Variants in REC8 observed in about 807,000 individuals in gnomAD.
REC8 encodes the protein REC8 meiotic recombination protein.
In REC8, 42 loss-of-function variants were observed where a neutral mutation model predicts 78.3. The observed-to-expected ratio is 0.54, with a 90% CI of 0.42 to 0.69. The LOEUF is 0.69. Ranked by LOEUF, REC8 falls within the 30% of genes least tolerant of loss-of-function variation. REC8 has a pLI of 0.00. For missense variants in REC8, 581 were observed against 715.8 expected (o/e 0.81, Z 2.15); for synonymous variants, 268 against 274.1 (o/e 0.98, Z 0.22).
chr14:24,177,755 A>G lies in REC8; in HGVS notation c.861A>G (p.Pro287=). The part of the protein sequence containing the change: ...EELRLPAPPS[P]ERRPPVPPPP... ...TGCGTCTGCCAGCCCCACCCAGCCCAGAGGTGAGTAGCCTCCCTTCTAATC... is the reference window on the plus strand; with the variant it reads ...TGCGTCTGCCAGCCCCACCCAGCCCGGAGGTGAGTAGCCTCCCTTCTAATC... Residue 287 remains proline, a synonymous_variant, in exon 11 of 19, where the codon CCA becomes CCG. Coordinates refer to ENST00000611366, the MANE Select transcript of REC8 (RefSeq NM_001048205.2). 6.2e-7 allele frequency: 1 copy of G among 1,603,296 alleles called. No individual in the cohort carries two copies. Among genetic ancestry groups the G allele is most frequent in the Non-Finnish European group, 8.5e-7 (1 of 1,175,332 alleles).
At chr14:24,173,838 CATTT>C (rs1159985281) in intron 5 of REC8, among the ~76,000 whole-genome samples, 8 of 152,088 alleles carry the variant, frequency 5.3e-5, no homozygotes, top group Admixed American at 5.2e-4. Context: ...CTCCATGCCC[CATTT>C]ATTTCTTTTT....
intron 14 of REC8, 26 bp from the exon 15 acceptor site, chr14:24,179,059 C>T (rs752456163): frequency 6.2e-7 from 1 of 1,608,684 alleles, no homozygotes. Context: ...TGCTTGGGGT[C>T]TTAGTTCTAC....
rs2038983007 is a variant in REC8, at chr14:24,178,127, C to T, written c.901C>T (p.Arg301Cys). ...AGTCCCCCCACCTCCTCGCCGCCGC[C>T]GTCGTCGCCGGTTACTGTTCTGGGA... ...PPVPPPPRRR[R>C]RRRLLFWDKE... Residue 301 changes from arginine (R) to cysteine (C), a missense_variant, in exon 12 of 19, where the codon CGT becomes TGT. Arg to Cys is a radical substitution (Grantham distance 180). Transcript: ENST00000611366. 6 of 1,613,774 alleles carry T rather than the reference C, an allele frequency of 3.7e-6. No individual in the cohort carries two copies. Among genetic ancestry groups the T allele is most frequent in the African/African-American group, 2.7e-5 (2 of 74,904 alleles).
At chr14:24,177,628 G>A in intron 10 of REC8, 81 bp from the exon 11 acceptor site, 1 of 1,577,172 alleles carries the variant, frequency 6.3e-7, no homozygotes, top group Non-Finnish European at 8.6e-7. Context: ...CTTGCTAAAG[G>A]GAGGACCCTG....
downstream of REC8, chr14:24,180,607 C>A (rs974363277): frequency 1.2e-6 from 2 of 1,612,084 alleles, no homozygotes; most frequent in East Asian, 4.5e-5. Flanking sequence ...GTCGGGGCTC[C>A]TAAAGCCTCG....
rs545302158 is a variant in REC8, at chr14:24,174,928, AAG to A, written c.463-613_463-612del. 1.9e-3 allele frequency among the ~76,000 whole-genome samples: 285 copies of A among 151,918 alleles called. 1 individual carries two copies. Among genetic ancestry groups the A allele is most frequent in the East Asian group, 6.6e-3 (34 of 5,172 alleles). ...CCTTGTCTCCCCACTAGACTTCCTT[AAG>A]ATCAAGAATCTTTTCTGTTCACCTC... is the stretch of plus-strand genomic sequence containing the variant. On this transcript the variant is annotated intron_variant, in intron 5 of 18. Transcript: ENST00000611366.
At chr14:24,178,314 G>GT (rs1048123352) in intron 12 of REC8, 92 bp downstream of exon 12, 32 of 1,184,962 alleles carry the variant, frequency 2.7e-5, no homozygotes, top group Admixed American at 2.3e-4. Flanking sequence ...CCTCAGGTGG[G>GT]TGGGGGGAGG....
At chr14:24,180,542 G>T, downstream of REC8, 1 of 1,614,138 alleles carries the variant, frequency 6.2e-7, no homozygotes, top group Non-Finnish European at 8.5e-7. Flanking sequence ...GGCCAGGAAC[G>T]TCAGGAGCAG....
intron 5 of REC8, among the ~76,000 whole-genome samples, chr14:24,175,147 C>T (rs1352060649): frequency 1.3e-5 from 2 of 151,704 alleles, no homozygotes; most frequent in Non-Finnish European, 2.9e-5. Flanking sequence ...GCTGGAATTA[C>T]AGGCACTGCT....
rs899402550 is a variant in REC8, at chr14:24,178,192, A to G, written c.966A>G (p.Gln322=). ...TQISPEKFQE[Q]LQTRAHCWEC... ...TCTCCCCGGAGAAATTCCAGGAACA[A>G]CTGCAAACCAGAGCCCACTGCTGGG... Residue 322 remains glutamine (Q), a synonymous_variant, in exon 12 of 19, where the codon CAA becomes CAG. Transcript: ENST00000611366. The G allele has an allele frequency of 6.2e-7, 1 of 1,614,064 alleles. No individual in the cohort carries two copies.
In REC8 at chr14:24,178,626, G is replaced by A. The variant is rs373641531; in HGVS notation, c.1017G>A (p.Glu339=). 3.6e-5 allele frequency: 58 copies of A among 1,614,076 alleles called. No homozygotes were observed. In the African/African-American group the frequency reaches 7.1e-4, roughly 20 times the overall value. Reference sequence around the variant, plus strand: ...CACAGCCTATGGTGCAGCCGCCCGAGAGGACCATCAGAGGCCCTGCGGAGT... The same window carrying A: ...CACAGCCTATGGTGCAGCCGCCCGAAAGGACCATCAGAGGCCCTGCGGAGT... ...CWECPMVQPP[E]RTIRGPAELF... Residue 339 remains glutamate (E), a synonymous_variant, in exon 13 of 19, where the codon GAG becomes GAA. Coordinates refer to ENST00000611366, the MANE Select transcript of REC8 (RefSeq NM_001048205.2).
chr14:24,179,143 T>C lies in REC8; in HGVS notation c.1252+10T>C, dbSNP rs2039044224. The C allele has an allele frequency of 6.4e-7, 1 of 1,566,006 alleles. No homozygotes were observed. Among genetic ancestry groups the C allele is most frequent in the African/African-American group, 1.4e-5 (1 of 73,492 alleles). The stretch of plus-strand genomic sequence containing the variant: ...CTTATGGTGTCTTTAGGTAAGCACC[T>C]AGAGAAGAGGCGCAGTGGGACCACA... On this transcript the variant is annotated intron_variant, in intron 15 of 18. Coordinates refer to ENST00000611366, the MANE Select transcript of REC8 (RefSeq NM_001048205.2).
chr14:24,172,719 G>A lies in REC8; in HGVS notation c.63G>A (p.Ala21=), dbSNP rs373216429. 1 of 1,614,042 alleles carries A rather than the reference G, an allele frequency of 6.2e-7. No homozygotes were observed. The highest frequency in any genetic ancestry group is 1.3e-5 in the African/African-American group (1 of 74,934). Reference sequence around the variant, plus strand: ...CCTTCCCCACCCACTTCAGGCTGGCGGCGACTCGCGGCAGCCGGTTGGTGA... The same window carrying A: ...CCTTCCCCACCCACTTCAGGCTGGCAGCGACTCGCGGCAGCCGGTTGGTGA... ...HTGCFATIWL[A]ATRGSRLVKR... The change falls in exon 2 of 19, where the codon GCG becomes GCA. Residue 21 remains alanine, a synonymous_variant. Transcript: ENST00000611366.
At chr14:24,179,245 T>A in intron 15 of REC8, 112 bp downstream of exon 15, 1 of 1,212,660 alleles carries the variant, frequency 8.2e-7, no homozygotes, top group Non-Finnish European at 1.2e-6. Context: ...GTGTGTGACA[T>A]AAGGAAGCAC....
rs769299580 is a variant in REC8, at chr14:24,180,050, G to C, written c.1599G>C (p.Lys533Asn). Residue 533 changes from lysine (K) to asparagine (N), a missense_variant, in exon 19 of 19, where the codon AAG becomes AAC. Transcript: ENST00000611366. ...AGATTCTTCACGTGAAACAAGAAAA[G>C]CCATATGGTCGCCTCCTGATCCAGC... Reference protein sequence around the residue: ...AQQILHVKQEKPYGRLLIQPG... With the variant: ...AQQILHVKQENPYGRLLIQPG... The C allele has an allele frequency of 6.2e-7, 1 of 1,614,160 alleles. No homozygotes were observed. The highest frequency in any genetic ancestry group is 8.5e-7 in the Non-Finnish European group (1 of 1,180,036).
chr14:24,174,403 G>A (rs1203310671), intron 5 of REC8, among the ~76,000 whole-genome samples: 4 of 151,864 alleles, frequency 2.6e-5, no homozygotes, highest in South Asian at 2.1e-4. Context: ...TCGGCCTCCC[G>A]AATAGCTGGG....
intron 5 of REC8, chr14:24,175,201 T>A: frequency 5.7e-6 from 1 of 175,866 alleles, no homozygotes; most frequent in South Asian, 1.3e-4. Flanking sequence ...AAATCAGGTT[T>A]CACGATGTTG....
At position 24,178,097 on chromosome 14, in the gene REC8, C is replaced by G; in HGVS notation, c.871C>G (p.Pro291Ala). The change falls in exon 12 of 19, where the codon CCC becomes GCC. Residue 291 changes from proline to alanine, a missense_variant. Coordinates refer to ENST00000611366, the MANE Select transcript of REC8 (RefSeq NM_001048205.2). ...LPAPPSPERRPPVPPPPRRRR... is the reference protein window; with the variant it reads ...LPAPPSPERRAPVPPPPRRRR... Reference sequence around the variant, plus strand: ...TGCCCTCCCCACTCAACAGAGGAGGCCCCCAGTCCCCCCACCTCCTCGCCG... The same window carrying G: ...TGCCCTCCCCACTCAACAGAGGAGGGCCCCAGTCCCCCCACCTCCTCGCCG... 6.2e-7 allele frequency: 1 copy of G among 1,612,368 alleles called. No homozygotes were observed. The highest frequency in any genetic ancestry group is 8.5e-7 in the Non-Finnish European group (1 of 1,178,906).
chr14:24,174,229 C>G (rs2038791491), intron 5 of REC8, among the ~76,000 whole-genome samples: 1 of 152,062 alleles, frequency 6.6e-6, no homozygotes, highest in African/African-American at 2.4e-5. Context: ...GGTGATCCAC[C>G]CACCCTGGCT....
Sources: allele counts gnomAD v4.1 joint callset (sites outside exome capture counted in the v4.1 genomes callset), GRCh38; gene constraint gnomAD v4.1.1; transcripts MANE v1.5; gene names NCBI Gene and HGNC (gene_info 2026-07-23, HGNC 2026-07-21).